STK3: variants seen among roughly 807,000 people sequenced by gnomAD.
The protein encoded by STK3 is serine/threonine kinase 3, also known as serine/threonine-protein kinase 3.
In STK3, 41 loss-of-function variants were observed where a neutral mutation model predicts 58.0. The ratio of observed to expected loss-of-function variants is 0.71; its 90% CI spans 0.55 to 0.92. The LOEUF is 0.92. Among genes scored for constraint, STK3 ranks in the 40% least tolerant of loss-of-function variants. The pLI, the probability that STK3 is intolerant of heterozygous loss-of-function variation, is 0.00. For missense variants in STK3, 479 were observed against 602.7 expected, an observed-to-expected ratio of 0.79 and a Z score of 2.15; for synonymous variants, 170 against 191.0, an observed-to-expected ratio of 0.89 and a Z score of 0.91.
chr8:98,567,744 T>C (rs1463418745), intron 8 of STK3, among the ~76,000 whole-genome samples: 1 of 152,042 alleles, frequency 6.6e-6, no homozygotes, highest in African/African-American at 2.4e-5. Flanking sequence ...AGAGATCATA[T>C]TACAAACTCA....
At chr8:98,602,222 T>C (rs1428099531) in intron 6 of STK3, 2 of 152,214 alleles carry the variant, frequency 1.3e-5, no homozygotes, top group African/African-American at 2.4e-5. Context: ...TGTTTGTGTC[T>C]CTTGCAAAAT....
intron 6 of STK3, among the ~76,000 whole-genome samples, chr8:98,662,323 T>G (rs897106544): frequency 2.0e-5 from 3 of 152,200 alleles, no homozygotes; most frequent in Non-Finnish European, 4.4e-5. Context: ...AATATTTTAT[T>G]CAAGCAAGTG....
At chr8:98,713,360 A>T (rs1200975934) in intron 4 of STK3, among the ~76,000 whole-genome samples, 1 of 152,160 alleles carries the variant, frequency 6.6e-6, no homozygotes, top group Non-Finnish European at 1.5e-5. Flanking sequence ...GTTTTTTGAA[A>T]AGAGCAACAA....
At chr8:98,620,652 A>G (rs892784088) in intron 6 of STK3, among the ~76,000 whole-genome samples, 2 of 151,594 alleles carry the variant, frequency 1.3e-5, no homozygotes, top group East Asian at 1.9e-4. Flanking sequence ...AAGAACAAAA[A>G]TAAATGCAAG....
chr8:98,892,937 A>G (rs1838250564), intron 1 of STK3, among the ~76,000 whole-genome samples: 4 of 152,150 alleles, frequency 2.6e-5, no homozygotes, highest in African/African-American at 9.7e-5. Flanking sequence ...CTCTCTAAGA[A>G]TATATTTGAG....
intron 6 of STK3, among the ~76,000 whole-genome samples, chr8:98,673,950 T>C (rs1263268251): frequency 2.0e-5 from 3 of 152,166 alleles, no homozygotes; most frequent in Non-Finnish European, 4.4e-5. Context: ...AAAATAAATA[T>C]ACATAGGTTT....
chr8:98,746,757 G>T (rs2131343854), intron 4 of STK3, among the ~76,000 whole-genome samples: 1 of 152,156 alleles, frequency 6.6e-6, no homozygotes, highest in Admixed American at 6.5e-5. Flanking sequence ...TGAAGTGAGG[G>T]TCAGACATGG....
At chr8:98,762,035 A>G (rs1177523715) in intron 3 of STK3, among the ~76,000 whole-genome samples, 1 of 152,114 alleles carries the variant, frequency 6.6e-6, no homozygotes, top group African/African-American at 2.4e-5. Flanking sequence ...TAACTCATCA[A>G]TCAGGACTCA....
intron 6 of STK3, among the ~76,000 whole-genome samples, chr8:98,695,609 T>C (rs569245501): frequency 4.6e-5 from 7 of 152,342 alleles, no homozygotes; most frequent in African/African-American, 1.7e-4. Flanking sequence ...AGGGAATCCT[T>C]TCCCCATTGC....
At chr8:98,851,485 AGT>A in intron 3 of STK3, among the ~76,000 whole-genome samples, 1 of 152,330 alleles carries the variant, frequency 6.6e-6, no homozygotes, top group African/African-American at 2.4e-5. Context: ...ACTGGCCTGA[AGT>A]GTGTTCCTTA....
At chr8:98,915,511 A>G (rs370646872) in intron 1 of STK3, among the ~76,000 whole-genome samples, 45 of 145,808 alleles carry the variant, frequency 3.1e-4, no homozygotes, top group African/African-American at 1.1e-3. Flanking sequence ...GGTTTTGAAG[A>G]TTGAATAGGA....
chr8:98,387,959 C>T (rs533085437), intron 1 of STK3, among the ~76,000 whole-genome samples: 79 of 149,586 alleles, frequency 5.3e-4, no homozygotes, highest in Admixed American at 2.0e-3. Flanking sequence ...CTATGGCAAT[C>T]ACAACAAAAT....
At chr8:98,842,099 T>G (rs138887448) in intron 3 of STK3, among the ~76,000 whole-genome samples, 3 of 152,052 alleles carry the variant, frequency 2.0e-5, no homozygotes, top group Non-Finnish European at 4.4e-5. Context: ...AAAACCTATA[T>G]GAATTTTAAA....
At chr8:98,590,620 A>T (rs1235119056) in intron 7 of STK3, among the ~76,000 whole-genome samples, 2 of 152,226 alleles carry the variant, frequency 1.3e-5, no homozygotes. Context: ...CACAGCACCA[A>T]ATTTCATGCA....
At position 98,814,902 on chromosome 8, in the gene STK3, G is replaced by A. The variant is rs576738466; in HGVS notation, c.26+10613C>T. Among the ~76,000 whole-genome samples the A allele has an allele frequency of 2.5e-3, 387 of 152,228 alleles. 1 individual carries two copies. The highest frequency in any genetic ancestry group is 8.1e-3 in the South Asian group (39 of 4,822). On this transcript the variant is annotated intron_variant, in intron 1 of 10. Coordinates refer to ENST00000419617, the MANE Select transcript of STK3 (RefSeq NM_006281.4). ...TTGCCATGTTGCCCAGGCTGGTCTTGAACTCCTAGACTAAAGCAATCTGCC... is the reference window on the plus strand; with the variant it reads ...TTGCCATGTTGCCCAGGCTGGTCTTAAACTCCTAGACTAAAGCAATCTGCC...
At chr8:98,482,679 G>A (rs1484166012) in intron 10 of STK3, among the ~76,000 whole-genome samples, 1 of 151,972 alleles carries the variant, frequency 6.6e-6, no homozygotes, top group Non-Finnish European at 1.5e-5. Flanking sequence ...CAAACAGAGG[G>A]AAGAATAATT....
rs56187203 is a variant in STK3 at position 98,915,432 on chromosome 8, CTATATATATATATATATATATATATATA to C, written c.-79+26918_-79+26945del. Among the ~76,000 whole-genome samples, 191 of 94,754 alleles carry C rather than the reference CTATATATATATATATATATATATATATA, an allele frequency of 2.0e-3. 8 individuals are homozygous for C. The highest frequency in any genetic ancestry group is 9.2e-3 in the African/African-American group (165 of 17,878). 62.2% of individuals were successfully genotyped at this position (94,754 alleles called of 152,430 possible). A position where few individuals can be genotyped will look rare whatever the true frequency, so the allele number is the denominator to read the frequency against. On this transcript the variant is annotated intron_variant, in intron 1 of 1. Transcript: ENST00000519420. ...GTGAGTTAATACTTAATAAACTTTC[CTATATATATATATATATATATATATATA>C]TATATATATAGTTCTGTCCTCTAAA...
chr8:98,774,203 T>TC (rs752413224), intron 2 of STK3, among the ~76,000 whole-genome samples: 1 of 152,226 alleles, frequency 6.6e-6, no homozygotes. Context: ...TTGGAAATTC[T>TC]CCTATACTTT....
In STK3 at chr8:98,535,935, C is replaced by T. The variant is rs539303172; in HGVS notation, c.1142-9018G>A. Among the ~76,000 whole-genome samples the T allele has an allele frequency of 3.9e-5, 6 of 152,188 alleles. No homozygotes were observed. In the East Asian group the frequency reaches 1.2e-3, roughly 29 times the overall value. On this transcript the variant is annotated intron_variant, in intron 9 of 10. Coordinates refer to ENST00000419617, the MANE Select transcript of STK3 (RefSeq NM_006281.4). ...AAAAGGCTGAAGGAAAGACAATGTT[C>T]TTTTCTGCAATGAGTCAGAGAAGAA...
Sources: gnomAD v4.1 joint callset for allele counts (sites outside exome capture counted in the v4.1 genomes callset) on GRCh38, gnomAD v4.1.1 for gene constraint, MANE v1.5 for transcripts, NCBI Gene and HGNC (gene_info 2026-07-23, HGNC 2026-07-21) for gene names.